LRRTM3: variants seen among roughly 807,000 people sequenced by gnomAD.
The protein encoded by LRRTM3 is leucine-rich repeat transmembrane neuronal protein 3.
In LRRTM3, 24 loss-of-function variants were observed where a neutral mutation model predicts 44.7. The observed-to-expected ratio is 0.54, with a 90% CI of 0.39 to 0.76. LRRTM3 has a LOEUF of 0.76. LRRTM3 is among the 30% of genes least tolerant of loss of function. LRRTM3 has a pLI of 0.00. For missense variants in LRRTM3, 587 were observed against 702.2 expected, an observed-to-expected ratio of 0.84 and a Z score of 1.85; for synonymous variants, 277 against 278.7, an observed-to-expected ratio of 0.99 and a Z score of 0.06.
At chr10:67,036,890 A>T (rs1854095376) in intron 2 of LRRTM3, among the ~76,000 whole-genome samples, 1 of 152,192 alleles carries the variant, frequency 6.6e-6, no homozygotes, top group South Asian at 2.1e-4. Context: ...TTGTGAAAAA[A>T]AATAATAATG....
At chr10:66,937,355 T>C (rs1052416617) in intron 2 of LRRTM3, among the ~76,000 whole-genome samples, 1 of 152,170 alleles carries the variant, frequency 6.6e-6, no homozygotes, top group Non-Finnish European at 1.5e-5. Context: ...TCATATATAA[T>C]CTAATACTCA....
chr10:67,080,992 T>C (rs1857034898), intron 2 of LRRTM3, among the ~76,000 whole-genome samples: 2 of 151,646 alleles, frequency 1.3e-5, no homozygotes, highest in South Asian at 4.2e-4. Context: ...AAACAATAAA[T>C]CAGCATCCTA....
At chr10:66,960,276 A>T (rs958267637) in intron 2 of LRRTM3, among the ~76,000 whole-genome samples, 1 of 152,164 alleles carries the variant, frequency 6.6e-6, no homozygotes, top group Non-Finnish European at 1.5e-5. Flanking sequence ...AATGATCACA[A>T]ATCTCCTACA....
intron 2 of LRRTM3, among the ~76,000 whole-genome samples, chr10:67,028,227 T>A (rs1374070086): frequency 6.6e-6 from 1 of 152,168 alleles, no homozygotes; most frequent in African/African-American, 2.4e-5. Flanking sequence ...GTTTTGTGGT[T>A]TGTCATTGTT....
At chr10:66,946,908 T>C (rs549437696) in intron 2 of LRRTM3, among the ~76,000 whole-genome samples, 8 of 152,296 alleles carry the variant, frequency 5.3e-5, no homozygotes, top group Admixed American at 4.6e-4. Flanking sequence ...AAAATTTTCC[T>C]ACAGTCTCTT....
At chr10:67,006,395 C>T (rs973688565) in intron 2 of LRRTM3, among the ~76,000 whole-genome samples, 1 of 152,164 alleles carries the variant, frequency 6.6e-6, no homozygotes, top group Non-Finnish European at 1.5e-5. Flanking sequence ...TCCACCCCTT[C>T]TCTTTCTCCC....
intron 2 of LRRTM3, among the ~76,000 whole-genome samples, chr10:66,954,491 C>G (rs1291127064): frequency 1.3e-5 from 2 of 152,046 alleles, no homozygotes; most frequent in African/African-American, 4.8e-5. Context: ...CTACACGGTC[C>G]CGCAATGGAT....
Position 67,005,682 on chromosome 10 carries a change from C to CTTTTTTTTTTTTTTTTTTTTTTTTTTT in LRRTM3, c.1536+77251_1536+77252insTTTTTTTTTTTTTTTTTTTTTTTTTTT, listed in dbSNP as rs11369576. On this transcript the variant is annotated intron_variant, in intron 2 of 2. Coordinates refer to ENST00000361320, the MANE Select transcript of LRRTM3 (RefSeq NM_178011.5). ...AATGCTTTTGTTTATTTTACTCCAT[C>CTTTTTTTTTTTTTTTTTTTTTTTTTTT]TTTTTTTTTTTTTTTTTTTTTGAGA... Among the ~76,000 whole-genome samples, 6 of 61,976 alleles carry CTTTTTTTTTTTTTTTTTTTTTTTTTTT rather than the reference C, an allele frequency of 9.7e-5. 2 individuals are homozygous for CTTTTTTTTTTTTTTTTTTTTTTTTTTT. Among genetic ancestry groups the CTTTTTTTTTTTTTTTTTTTTTTTTTTT allele is most frequent in the African/African-American group, 1.6e-4 (3 of 18,548 alleles). 40.7% of individuals were successfully genotyped at this position (61,976 alleles called of 152,430 possible).
At chr10:67,016,901 T>A (rs1003356276) in intron 2 of LRRTM3, among the ~76,000 whole-genome samples, 1 of 152,192 alleles carries the variant, frequency 6.6e-6, no homozygotes, top group Non-Finnish European at 1.5e-5. Flanking sequence ...ATATTTTATA[T>A]CCTATCAAAA....
intron 2 of LRRTM3, among the ~76,000 whole-genome samples, chr10:66,967,809 TAAGA>T (rs1329516605): frequency 6.6e-6 from 1 of 152,096 alleles, no homozygotes; most frequent in African/African-American, 2.4e-5. Context: ...CAAATCCTGT[TAAGA>T]AAGAATATAT....
chr10:67,101,069 C>G lies in LRRTM3; in HGVS notation c.*3273C>G, dbSNP rs1003521804. The stretch of plus-strand genomic sequence containing the variant: ...TTATTTCTGTGTTCTACTCTGGGCT[C>G]TCACATTAAAACTCTGTTCAAAAAG... On this transcript the variant is annotated 3_prime_UTR_variant, in exon 3 of 3. Transcript: ENST00000361320. Among the ~76,000 whole-genome samples the G allele has an allele frequency of 2.6e-5, 4 of 151,690 alleles. No homozygotes were observed. The highest frequency in any genetic ancestry group is 2.6e-4 in the Admixed American group (4 of 15,180).
chr10:66,960,533 T>C (rs934513954), intron 2 of LRRTM3, among the ~76,000 whole-genome samples: 1 of 152,148 alleles, frequency 6.6e-6, no homozygotes, highest in African/African-American at 2.4e-5. Context: ...AGATAATATG[T>C]AGCATGAAAA....
chr10:66,940,468 T>C (rs1309142093), intron 2 of LRRTM3, among the ~76,000 whole-genome samples: 2 of 152,198 alleles, frequency 1.3e-5, no homozygotes, highest in African/African-American at 4.8e-5. Context: ...AGCAAGATCA[T>C]GTCTCTTAAA....
chr10:66,938,612 T>C (rs1847843354), intron 2 of LRRTM3, among the ~76,000 whole-genome samples: 2 of 152,172 alleles, frequency 1.3e-5, no homozygotes, highest in Non-Finnish European at 2.9e-5. Flanking sequence ...AGTCGGAAGA[T>C]AATCCACGTG....
intron 2 of LRRTM3, among the ~76,000 whole-genome samples, chr10:67,041,096 C>T (rs1854363266): frequency 1.3e-5 from 2 of 151,954 alleles, no homozygotes; most frequent in African/African-American, 2.4e-5. Context: ...TTATTTGGTC[C>T]ATAGAGATGC....
chr10:66,974,076 T>C (rs7916564), intron 2 of LRRTM3, among the ~76,000 whole-genome samples: 1 of 152,182 alleles, frequency 6.6e-6, no homozygotes, highest in Non-Finnish European at 1.5e-5. Flanking sequence ...AAAGTTGCCC[T>C]GAGTCTCTCT....
intron 2 of LRRTM3, among the ~76,000 whole-genome samples, chr10:66,995,196 T>C (rs1374841244): frequency 6.6e-6 from 1 of 152,184 alleles, no homozygotes; most frequent in East Asian, 1.9e-4. Context: ...CTCCTCCTTT[T>C]GTATTTCTCT....
intron 2 of LRRTM3, among the ~76,000 whole-genome samples, chr10:67,044,742 T>C (rs992157852): frequency 6.6e-6 from 1 of 152,204 alleles, no homozygotes; most frequent in Admixed American, 6.5e-5. Context: ...AGTAACATAA[T>C]AGATATTTTG....
At chr10:66,952,468 T>TG (rs1342532199) in intron 2 of LRRTM3, among the ~76,000 whole-genome samples, 3 of 152,198 alleles carry the variant, frequency 2.0e-5, no homozygotes, top group Non-Finnish European at 4.4e-5. Context: ...ATTCAGGGTA[T>TG]GCCGTCTTGT....
Sources: gnomAD v4.1 joint callset for allele counts (sites outside exome capture counted in the v4.1 genomes callset) on GRCh38, gnomAD v4.1.1 for gene constraint, MANE v1.5 for transcripts, NCBI Gene and HGNC (gene_info 2026-07-23, HGNC 2026-07-21) for gene names.